Variants in EVI5 observed in about 807,000 individuals in gnomAD.
EVI5 encodes the protein ecotropic viral integration site 5 protein homolog.
In EVI5, 73 loss-of-function variants were observed where a neutral mutation model predicts 112.0. The observed-to-expected ratio is 0.65, with a 90% CI of 0.54 to 0.79. The LOEUF is 0.79. Among genes scored for constraint, EVI5 ranks in the 30% least tolerant of loss-of-function variants. The probability of loss-of-function intolerance (pLI) is 0.00; values close to 1 mark genes in which losing one functional copy is unlikely to be tolerated. For synonymous variants in EVI5, 305 were observed against 319.9 expected (o/e 0.95, Z 0.50); for missense variants, 900 against 968.8 (o/e 0.93, Z 0.94).
At chr1:92,630,675 A>C (rs1228029718) in intron 14 of EVI5, among the ~76,000 whole-genome samples, 20 of 151,986 alleles carry the variant, frequency 1.3e-4, no homozygotes, top group Non-Finnish European at 2.9e-5. Flanking sequence ...TAGTTTAATT[A>C]GATCCCATTT....
At position 92,670,035 on chromosome 1, in the gene EVI5, A is replaced by C. The variant is rs540281028; in HGVS notation, c.1159-4043T>G. Among the ~76,000 whole-genome samples the C allele has an allele frequency of 5.9e-5, 9 of 152,342 alleles. No individual in the cohort carries two copies. In the South Asian group the frequency reaches 1.9e-3, roughly 32 times the overall value. The stretch of plus-strand genomic sequence containing the variant: ...CTTAGTGTTGGCAAAGTAGTCATTA[A>C]ATGGAAACTTGTTGCTAAGACAAAC... On this transcript the variant is annotated intron_variant, in intron 10 of 19. Transcript: ENST00000684568.
chr1:92,651,341 C>T (rs965132589), intron 13 of EVI5, among the ~76,000 whole-genome samples: 1 of 151,988 alleles, frequency 6.6e-6, no homozygotes. Context: ...CTAAATTGGC[C>T]GCTACTTATA....
intron 18 of EVI5, among the ~76,000 whole-genome samples, chr1:92,603,702 GCTT>G (rs1571836639): frequency 6.6e-6 from 1 of 150,982 alleles, no homozygotes; most frequent in East Asian, 1.9e-4. Flanking sequence ...TATTCTATAA[GCTT>G]TTTTCTATTT....
intron 16 of EVI5, among the ~76,000 whole-genome samples, chr1:92,621,814 C>A (rs964242401): frequency 6.6e-6 from 1 of 152,096 alleles, no homozygotes; most frequent in East Asian, 1.9e-4. Flanking sequence ...AAATGTAGTA[C>A]AATTTATCTT....
chr1:92,733,461 C>T lies in EVI5; in HGVS notation c.149+2937G>A, dbSNP rs1423005493. ...TTACTCCATAGCCCAAGCTGGAATG[C>T]AGTGGCATGATCTCAGCTAACTGCA... On this transcript the variant is annotated intron_variant, in intron 2 of 19. Coordinates refer to ENST00000684568, the MANE Select transcript of EVI5 (RefSeq NM_001350197.2). Among the ~76,000 whole-genome samples, 4 of 149,948 alleles carry T rather than the reference C, an allele frequency of 2.7e-5. No homozygotes were observed. In the South Asian group the frequency reaches 8.4e-4, roughly 31 times the overall value.
intron 16 of EVI5, among the ~76,000 whole-genome samples, chr1:92,623,115 T>C (rs1269503940): frequency 6.6e-6 from 1 of 152,196 alleles, no homozygotes; most frequent in East Asian, 1.9e-4. Context: ...AAATAAAATC[T>C]GATTACAAAA....
At chr1:92,514,993 G>T (rs1659635680) in intron 19 of EVI5, among the ~76,000 whole-genome samples, 1 of 152,162 alleles carries the variant, frequency 6.6e-6, no homozygotes, top group Admixed American at 6.5e-5. Flanking sequence ...CCTTCTGCAT[G>T]GGGGGAGTGC....
At chr1:92,599,833 G>A (rs1456822287) in intron 18 of EVI5, among the ~76,000 whole-genome samples, 1 of 152,174 alleles carries the variant, frequency 6.6e-6, no homozygotes. Flanking sequence ...TGAGGATGGG[G>A]AGATAATGGT....
rs5776148 is a variant in EVI5, at chr1:92,516,884, C to CA, written c.2167-2915dup. On this transcript the variant is annotated intron_variant, in intron 19 of 19. Coordinates refer to ENST00000684568, the MANE Select transcript of EVI5 (RefSeq NM_001350197.2). ...AACCTTTCCAACTCTCCCTTTCCTCCAAAAAAAAAAAAAGAAAAAAATCCT... is the reference window on the plus strand; with the variant it reads ...AACCTTTCCAACTCTCCCTTTCCTCCAAAAAAAAAAAAAAGAAAAAAATCCT... Among the ~76,000 whole-genome samples the CA allele has an allele frequency of 2.3e-3, 323 of 142,142 alleles. 1 individual carries two copies. The highest frequency in any genetic ancestry group is 3.9e-3 in the Admixed American group (56 of 14,204). The allele number at this position is 142,142 out of a possible 152,430, so 93.3% of individuals were successfully genotyped here.
intron 9 of EVI5, among the ~76,000 whole-genome samples, chr1:92,683,494 T>A (rs570280149): frequency 1.9e-4 from 29 of 152,192 alleles, no homozygotes; most frequent in Non-Finnish European, 3.4e-4. Context: ...ACAGAGCACC[T>A]CTTCGCCTCC....
intron 9 of EVI5, among the ~76,000 whole-genome samples, chr1:92,686,816 T>G (rs1668608423): frequency 6.6e-6 from 1 of 152,038 alleles, no homozygotes; most frequent in Non-Finnish European, 1.5e-5. Flanking sequence ...ATAAAATACC[T>G]GGGAATACAA....
At chr1:92,641,586 G>A (rs1292608170) in intron 13 of EVI5, among the ~76,000 whole-genome samples, 2 of 152,120 alleles carry the variant, frequency 1.3e-5, no homozygotes, top group African/African-American at 2.4e-5. Flanking sequence ...TTGTAATAAT[G>A]TGGGAAGATG....
intron 13 of EVI5, among the ~76,000 whole-genome samples, chr1:92,655,433 A>C (rs1662835982): frequency 6.6e-6 from 1 of 152,304 alleles, no homozygotes; most frequent in Middle Eastern, 3.4e-3. Context: ...GCAAATGCTA[A>C]CAGAATTCAT....
intron 14 of EVI5, among the ~76,000 whole-genome samples, chr1:92,635,481 G>A (rs926048606): frequency 1.3e-5 from 2 of 152,192 alleles, no homozygotes; most frequent in African/African-American, 4.8e-5. Flanking sequence ...TCCGAGCCAG[G>A]CACAGGACAT....
intron 2 of EVI5, among the ~76,000 whole-genome samples, chr1:92,731,404 A>C (rs6661600): frequency 0.92 from 139,922 of 152,218 alleles, 64,389 homozygotes; most frequent in East Asian, 0.97. Context: ...CAGCAATGAA[A>C]AATTAAAAAT....
chr1:92,791,342 C>G lies in EVI5; in HGVS notation c.51+1002G>C, dbSNP rs149870329. On this transcript the variant is annotated intron_variant, in intron 1 of 17. Transcript: ENST00000370331. The stretch of plus-strand genomic sequence containing the variant: ...GTTCTTGCCAAAAACGTGATCAACC[C>G]CTTTGAGCTCTTCAAGCTCCAATCT... 2.6e-3 allele frequency among the ~76,000 whole-genome samples: 402 copies of G among 152,220 alleles called. 3 individuals are homozygous for G. Among genetic ancestry groups the G allele is most frequent in the African/African-American group, 9.2e-3 (380 of 41,514 alleles).
At chr1:92,524,494 C>T (rs998156155) in intron 19 of EVI5, among the ~76,000 whole-genome samples, 8 of 152,180 alleles carry the variant, frequency 5.3e-5, no homozygotes, top group South Asian at 2.1e-4. Context: ...GTAAATATTA[C>T]CTTTAAGATA....
chr1:92,706,579 C>A (rs1398440135), intron 2 of EVI5, among the ~76,000 whole-genome samples: 5 of 152,106 alleles, frequency 3.3e-5, no homozygotes, highest in African/African-American at 1.2e-4. Flanking sequence ...GATGAAGAAG[C>A]ACCTAAACAG....
intron 2 of EVI5, among the ~76,000 whole-genome samples, chr1:92,733,995 T>C (rs978412313): frequency 3.3e-5 from 5 of 152,156 alleles, no homozygotes; most frequent in African/African-American, 1.2e-4. Context: ...AGTTTTCTCT[T>C]ACAAGACACA....
Sources: gnomAD v4.1 joint callset for allele counts (sites outside exome capture counted in the v4.1 genomes callset) on GRCh38, gnomAD v4.1.1 for gene constraint, MANE v1.5 for transcripts, NCBI Gene and HGNC (gene_info 2026-07-23, HGNC 2026-07-21) for gene names.